Variants in PIEZO2 observed in about 807,000 individuals in gnomAD.
PIEZO2 encodes piezo-type mechanosensitive ion channel component 2.
In PIEZO2, 172 loss-of-function variants were observed where a neutral mutation model predicts 337.3. The ratio of observed to expected loss-of-function variants is 0.51; its 90% CI spans 0.45 to 0.58. The LOEUF is 0.58. PIEZO2 is among the 20% of genes least tolerant of loss of function. PIEZO2 has a pLI of 0.00. For synonymous variants in PIEZO2, 1,251 were observed against 1,228.5 expected, an observed-to-expected ratio of 1.02 and a Z score of -0.38; for missense variants, 3,028 against 3,391.3, an observed-to-expected ratio of 0.89 and a Z score of 2.66.
At chr18:10,723,472 G>A (rs1017923142) in intron 36 of PIEZO2, among the ~76,000 whole-genome samples, 1 of 152,220 alleles carries the variant, frequency 6.6e-6, no homozygotes, top group Non-Finnish European at 1.5e-5. Flanking sequence ...CAGATGGAGG[G>A]AGATGTAGTG....
At position 10,720,619 on chromosome 18, in the gene PIEZO2, T is replaced by C. The variant is rs150604738; in HGVS notation, c.5030-2360A>G. 1.1e-3 allele frequency among the ~76,000 whole-genome samples: 164 copies of C among 150,796 alleles called. 1 individual carries two copies. The highest frequency in any genetic ancestry group is 1.7e-3 in the Non-Finnish European group (115 of 67,734). ...ACAAGTGTGCAACACCACACCTGAC[T>C]ATATTAAGAAAAAATCTTTTTAGAG... On this transcript the variant is annotated intron_variant, in intron 36 of 55. Coordinates refer to ENST00000674853, the MANE Select transcript of PIEZO2 (RefSeq NM_001378183.1).
At chr18:10,768,636 G>A (rs906430194) in intron 21 of PIEZO2, among the ~76,000 whole-genome samples, 6 of 152,162 alleles carry the variant, frequency 3.9e-5, no homozygotes, top group Admixed American at 2.0e-4. Context: ...ATGAAATTAG[G>A]AATGAAAATT....
chr18:10,684,266 C>T (rs9966045), intron 49 of PIEZO2, among the ~76,000 whole-genome samples: 137,394 of 142,300 alleles, frequency 0.97, 66,338 homozygotes, highest in South Asian at 0.98. Context: ...CCTGGGTTCA[C>T]GCCATTCTCC....
chr18:10,915,869 G>A (rs185142272), intron 3 of PIEZO2, among the ~76,000 whole-genome samples: 46 of 152,200 alleles, frequency 3.0e-4, no homozygotes, highest in African/African-American at 9.1e-4. Context: ...TAAAGGTGGA[G>A]TTTCTAGATT....
intron 20 of PIEZO2, 51 bp from the exon 21 acceptor site, chr18:10,770,359 C>A (rs1265518623): frequency 1.4e-6 from 2 of 1,451,968 alleles, no homozygotes; most frequent in Admixed American, 4.6e-5. Context: ...AAAATATTAT[C>A]ATTTAAAGCA....
At position 10,929,291 on chromosome 18, in the gene PIEZO2, C is replaced by A. The variant is rs2031943868; in HGVS notation, c.287-18063G>T. Among the ~76,000 whole-genome samples the A allele has an allele frequency of 1.3e-5, 2 of 152,202 alleles. No individual in the cohort carries two copies. The highest frequency in any genetic ancestry group is 4.8e-5 in the African/African-American group (2 of 41,444). On this transcript the variant is annotated intron_variant, in intron 3 of 55. Coordinates refer to ENST00000674853, the MANE Select transcript of PIEZO2 (RefSeq NM_001378183.1). This position sits in a 1 kb window ranked among gnomAD's most constrained non-coding sequence, Gnocchi z 5.6. ...GAGCGAGCTGCAAACGTGCACGCAT[C>A]ATATGAAGGTGTTATGCTGCTGCAT...
chr18:10,765,943 A>G (rs1447398841), intron 21 of PIEZO2, among the ~76,000 whole-genome samples: 3 of 152,176 alleles, frequency 2.0e-5, no homozygotes, highest in East Asian at 3.9e-4. Context: ...GAGAGCTTCA[A>G]TGACAAGGAA....
At chr18:10,765,478 T>A (rs1045906278) in intron 21 of PIEZO2, among the ~76,000 whole-genome samples, 3 of 152,182 alleles carry the variant, frequency 2.0e-5, no homozygotes, top group Non-Finnish European at 4.4e-5. Context: ...AAGTCTCTCA[T>A]GATCATATCT....
intron 7 of PIEZO2, among the ~76,000 whole-genome samples, chr18:10,849,010 G>A (rs188422305): frequency 3.3e-5 from 5 of 152,138 alleles, no homozygotes; most frequent in South Asian, 4.2e-4. Flanking sequence ...ATTCACCCAA[G>A]GATTCCTTTT....
Position 10,952,896 on chromosome 18 carries a change from C to T in PIEZO2, c.286+26639G>A, listed in dbSNP as rs2033362230. Among the ~76,000 whole-genome samples the T allele has an allele frequency of 1.3e-5, 2 of 148,688 alleles. No homozygotes were observed. Among genetic ancestry groups the T allele is most frequent in the South Asian group, 2.1e-4 (1 of 4,684 alleles). On this transcript the variant is annotated intron_variant, in intron 3 of 55. Coordinates refer to ENST00000674853, the MANE Select transcript of PIEZO2 (RefSeq NM_001378183.1). The surrounding 1 kb of genome is among the most constrained non-coding windows in gnomAD (Gnocchi z 4.1). The stretch of plus-strand genomic sequence containing the variant: ...CTTCCTTCCTTCCTTTCATCCCTCC[C>T]TCCATCCCTCCCTCCCTCCTTCCTT...
chr18:10,736,533 G>A, intron 34 of PIEZO2, 71 bp downstream of exon 34: 2 of 1,526,222 alleles, frequency 1.3e-6, no homozygotes, highest in Non-Finnish European at 1.8e-6. Context: ...AGGTGTCTAG[G>A]CCTGCAATGA....
chr18:10,826,396 C>A (rs771564525), intron 7 of PIEZO2, among the ~76,000 whole-genome samples: 3 of 152,198 alleles, frequency 2.0e-5, no homozygotes, highest in Non-Finnish European at 4.4e-5. Flanking sequence ...TTATCTGTAA[C>A]CTCCCTCTCA....
intron 42 of PIEZO2, among the ~76,000 whole-genome samples, chr18:10,702,727 A>G (rs910382598): frequency 6.6e-5 from 10 of 152,270 alleles, no homozygotes; most frequent in African/African-American, 2.4e-4. Flanking sequence ...GGTGCGTAGC[A>G]GGGTTCTTGG....
rs1355500586 is a variant in PIEZO2 at position 11,102,177 on chromosome 18, G to T, written c.65-35955C>A. On this transcript the variant is annotated intron_variant, in intron 1 of 55. Transcript: ENST00000674853. The surrounding 1 kb of genome is among the most constrained non-coding windows in gnomAD (Gnocchi z 5.7). ...CCTGGTTGAACAAACACAAATTGTG[G>T]GGTGTATGCAAGATGTGATTTTATT... 6.6e-6 allele frequency among the ~76,000 whole-genome samples: 1 copy of T among 152,072 alleles called. No individual in the cohort carries two copies. The highest frequency in any genetic ancestry group is 1.5e-5 in the Non-Finnish European group (1 of 68,022).
Position 11,099,118 on chromosome 18 carries a change from C to A in PIEZO2, c.65-32896G>T, listed in dbSNP as rs1465702437. 6.6e-6 allele frequency among the ~76,000 whole-genome samples: 1 copy of A among 151,994 alleles called. No homozygotes were observed. Among genetic ancestry groups the A allele is most frequent in the Non-Finnish European group, 1.5e-5 (1 of 67,982 alleles). On this transcript the variant is annotated intron_variant, in intron 1 of 55. Coordinates refer to ENST00000674853, the MANE Select transcript of PIEZO2 (RefSeq NM_001378183.1). The surrounding 1 kb of genome is among the most constrained non-coding windows in gnomAD (Gnocchi z 5.4). The stretch of plus-strand genomic sequence containing the variant: ...TGCACCTGGCCTTTTAAAAAGACTG[C>A]AGATTTTTCATAGTTAACATGAATT...
At position 10,795,848 on chromosome 18, in the gene PIEZO2, A is replaced by G. The variant is rs1568067309; in HGVS notation, c.1528-846T>C. Among the ~76,000 whole-genome samples the G allele has an allele frequency of 6.6e-6, 1 of 152,190 alleles. No individual in the cohort carries two copies. Among genetic ancestry groups the G allele is most frequent in the Admixed American group, 6.5e-5 (1 of 15,282 alleles). On this transcript the variant is annotated intron_variant, in intron 12 of 55. Coordinates refer to ENST00000674853, the MANE Select transcript of PIEZO2 (RefSeq NM_001378183.1). The surrounding 1 kb of genome is among the most constrained non-coding windows in gnomAD (Gnocchi z 4.4). ...AGAATTTGGAAGAGTTGTATTTTAAACAAGAATATTAGGTTTCTCAAAAAT... is the reference window on the plus strand; with the variant it reads ...AGAATTTGGAAGAGTTGTATTTTAAGCAAGAATATTAGGTTTCTCAAAAAT...
intron 1 of PIEZO2, among the ~76,000 whole-genome samples, chr18:11,076,259 ATTCT>A (rs1568353057): frequency 6.6e-6 from 1 of 152,236 alleles, no homozygotes; most frequent in East Asian, 1.9e-4. Flanking sequence ...GAAACATTGT[ATTCT>A]ACATTAATTT....
chr18:10,825,550 CTTTTT>C (rs57159292), intron 7 of PIEZO2, among the ~76,000 whole-genome samples: 2 of 113,860 alleles, frequency 1.8e-5, no homozygotes, highest in South Asian at 6.1e-4. Flanking sequence ...TCCTTTCTTC[CTTTTT>C]TTTTTTTTTT....
At position 11,033,734 on chromosome 18, in the gene PIEZO2, A is replaced by G. The variant is rs1232569122; in HGVS notation, c.160+32393T>C. Reference sequence around the variant, plus strand: ...ACCAAGAGTATAAATATTGCTCTCAAAACAGTCGCTCTCGGAGGAAGTCAA... The same window carrying G: ...ACCAAGAGTATAAATATTGCTCTCAGAACAGTCGCTCTCGGAGGAAGTCAA... On this transcript the variant is annotated intron_variant, in intron 2 of 55. Transcript: ENST00000674853. The surrounding 1 kb of genome is among the most constrained non-coding windows in gnomAD (Gnocchi z 4.2). Among the ~76,000 whole-genome samples the G allele has an allele frequency of 1.3e-5, 2 of 152,268 alleles. No homozygotes were observed. Among genetic ancestry groups the G allele is most frequent in the African/African-American group, 4.8e-5 (2 of 41,562 alleles).
Sources: gnomAD v4.1 joint callset for allele counts (sites outside exome capture counted in the v4.1 genomes callset) on GRCh38, gnomAD v4.1.1 for gene constraint, Gnocchi (gnomAD v3.1) non-coding constraint, MANE v1.5 for transcripts, NCBI Gene and HGNC (gene_info 2026-07-23, HGNC 2026-07-21) for gene names.